Variants in UNC13C observed in about 807,000 individuals in gnomAD.
UNC13C encodes unc-13 homolog C.
UNC13C carries 174 observed loss-of-function variants against 245.4 expected under a neutral mutation model. That is an observed-to-expected ratio of 0.71 (90% CI 0.63 to 0.80). The LOEUF is 0.80. UNC13C is among the 30% of genes least tolerant of loss of function. The probability of loss-of-function intolerance (pLI) is 0.00; values close to 1 mark genes in which losing one functional copy is unlikely to be tolerated. For synonymous variants in UNC13C, 992 were observed against 895.1 expected (o/e 1.11, Z -1.93); for missense variants, 2,829 against 2,602.9 (o/e 1.09, Z -1.89).
At chr15:54,454,770 C>G (rs1013291764) in intron 19 of UNC13C, among the ~76,000 whole-genome samples, 10 of 151,226 alleles carry the variant, frequency 6.6e-5, no homozygotes, top group Non-Finnish European at 1.2e-4. Context: ...GTAGCAACTC[C>G]CAGTACTCCA....
upstream of UNC13C, among the ~76,000 whole-genome samples, chr15:53,978,352 C>T (rs770893545): frequency 7.9e-5 from 12 of 151,724 alleles, no homozygotes; most frequent in South Asian, 4.2e-4. Context: ...CTCACCCTCT[C>T]GGAGCTACGC....
intron 18 of UNC13C, among the ~76,000 whole-genome samples, chr15:54,400,640 G>A (rs2040161995): frequency 6.6e-6 from 1 of 152,122 alleles, no homozygotes. Flanking sequence ...AGTGCTGACA[G>A]TCTTATTTCT....
At chr15:53,945,428 A>C in the UNC13C span, among the ~76,000 whole-genome samples, 1 of 151,954 alleles carries the variant, frequency 6.6e-6, no homozygotes, top group Non-Finnish European at 1.5e-5. Context: ...TATATAATAT[A>C]AAGAAGGGGG....
At chr15:54,621,101 C>A (rs1900771156) in intron 30 of UNC13C, among the ~76,000 whole-genome samples, 1 of 152,146 alleles carries the variant, frequency 6.6e-6, no homozygotes, top group African/African-American at 2.4e-5. Flanking sequence ...TGAATTGCCT[C>A]ATCTCAGCAG....
chr15:53,977,279 G>C (rs1893740781), upstream of UNC13C, among the ~76,000 whole-genome samples: 1 of 152,148 alleles, frequency 6.6e-6, no homozygotes, highest in Non-Finnish European at 1.5e-5. Flanking sequence ...ACATCATGGA[G>C]AGGTTATTTA....
At chr15:54,220,231 T>C (rs1277791077) in intron 4 of UNC13C, among the ~76,000 whole-genome samples, 3 of 150,372 alleles carry the variant, frequency 2.0e-5, no homozygotes, top group Non-Finnish European at 4.4e-5. Context: ...ATTAAGAAAA[T>C]GTGGCACATA....
chr15:54,297,891 G>T lies in UNC13C; in HGVS notation c.4069G>T (p.Ala1357Ser). The T allele has an allele frequency of 5.0e-6, 8 of 1,607,990 alleles. No homozygotes were observed. Among genetic ancestry groups the T allele is most frequent in the Non-Finnish European group, 6.8e-6 (8 of 1,176,838 alleles). ...NVEIKGEEKVAPYHIQYTCLH... is the reference protein window; with the variant it reads ...NVEIKGEEKVSPYHIQYTCLH... ...GGAGATAAAAGGAGAAGAGAAGGTTGCTCCATATCATATTCAATATACATG... is the reference window on the plus strand; with the variant it reads ...GGAGATAAAAGGAGAAGAGAAGGTTTCTCCATATCATATTCAATATACATG... Residue 1357 changes from alanine to serine, a missense_variant, in exon 12 of 33, where the codon GCT becomes TCT. By Grantham distance (99) the Ala-to-Ser change is moderately conservative. Coordinates refer to ENST00000260323, the MANE Select transcript of UNC13C (RefSeq NM_001080534.3).
intron 4 of UNC13C, among the ~76,000 whole-genome samples, chr15:54,188,184 G>T (rs1292628181): frequency 6.6e-6 from 1 of 152,104 alleles, no homozygotes; most frequent in Non-Finnish European, 1.5e-5. Flanking sequence ...TACATAACGG[G>T]ATTGAATACA....
intron 4 of UNC13C, among the ~76,000 whole-genome samples, chr15:54,166,031 T>C (rs1024832834): frequency 3.9e-5 from 6 of 152,172 alleles, no homozygotes; most frequent in Non-Finnish European, 5.9e-5. Flanking sequence ...TGATAAATTA[T>C]CTTTATTAAG....
At chr15:54,201,455 G>A (rs755013141) in intron 4 of UNC13C, among the ~76,000 whole-genome samples, 2 of 151,866 alleles carry the variant, frequency 1.3e-5, no homozygotes, top group Non-Finnish European at 2.9e-5. Context: ...ATATCAAAAA[G>A]ATAATCCACC....
At chr15:54,617,750 A>G (rs1022723933) in intron 30 of UNC13C, among the ~76,000 whole-genome samples, 6 of 152,128 alleles carry the variant, frequency 3.9e-5, no homozygotes, top group Admixed American at 3.9e-4. Context: ...ATCATCTACC[A>G]TCTTGGATGA....
the UNC13C span, among the ~76,000 whole-genome samples, chr15:53,847,514 G>A: frequency 7.0e-6 from 1 of 143,516 alleles, no homozygotes; most frequent in Non-Finnish European, 1.5e-5. Context: ...CCACCACCAT[G>A]CCTGGCTATT....
intron 29 of UNC13C, among the ~76,000 whole-genome samples, chr15:54,557,069 T>C (rs903833054): frequency 6.6e-6 from 1 of 152,052 alleles, no homozygotes; most frequent in Admixed American, 6.6e-5. Flanking sequence ...TATCTTCCTG[T>C]TTATATCATC....
In UNC13C at chr15:54,175,508, A is replaced by ATTTTTTT. The variant is rs55925649; in HGVS notation, c.3071+31840_3071+31846dup. On this transcript the variant is annotated intron_variant, in intron 4 of 32. Coordinates refer to ENST00000260323, the MANE Select transcript of UNC13C (RefSeq NM_001080534.3). Reference sequence around the variant, plus strand: ...AAAACACTGTTGTTGTGGCCCTAGAATTTTTTTTTTTTTTTTTTTTTTGAG... The same window carrying ATTTTTTT: ...AAAACACTGTTGTTGTGGCCCTAGAATTTTTTTTTTTTTTTTTTTTTTTTTTTTTGAG... Among the ~76,000 whole-genome samples, 56 of 105,976 alleles carry ATTTTTTT rather than the reference A, an allele frequency of 5.3e-4. 3 individuals are homozygous for ATTTTTTT. Among genetic ancestry groups the ATTTTTTT allele is most frequent in the African/African-American group, 2.0e-3 (53 of 26,222 alleles). 69.5% of individuals were successfully genotyped at this position (105,976 alleles called of 152,430 possible).
At chr15:53,905,192 A>G in the UNC13C span, among the ~76,000 whole-genome samples, 1 of 152,274 alleles carries the variant, frequency 6.6e-6, no homozygotes, top group East Asian at 1.9e-4. Flanking sequence ...TGATCCAGCA[A>G]TCCCACTACA....
the UNC13C span, among the ~76,000 whole-genome samples, chr15:53,861,287 T>A: frequency 6.6e-6 from 1 of 152,130 alleles, no homozygotes. Flanking sequence ...AAGGTAAGAA[T>A]CGAATCAAGT....
chr15:53,857,980 A>C, the UNC13C span, among the ~76,000 whole-genome samples: 1 of 152,196 alleles, frequency 6.6e-6, no homozygotes, highest in Admixed American at 6.6e-5. Flanking sequence ...ATATATTAAG[A>C]TTTATGCTTA....
At chr15:54,474,908 G>A (rs371777100) in intron 19 of UNC13C, among the ~76,000 whole-genome samples, 14 of 151,844 alleles carry the variant, frequency 9.2e-5, no homozygotes, top group Non-Finnish European at 8.8e-5. Flanking sequence ...GAAGGGAGGT[G>A]CCAGACACAT....
chr15:54,088,555 T>G (rs2141131520), intron 2 of UNC13C, among the ~76,000 whole-genome samples: 1 of 152,348 alleles, frequency 6.6e-6, no homozygotes, highest in South Asian at 2.1e-4. Context: ...TTGTTGGTAC[T>G]TTTGAAATCA....
Sources: gnomAD v4.1 joint callset for allele counts (sites outside exome capture counted in the v4.1 genomes callset) on GRCh38, gnomAD v4.1.1 for gene constraint, MANE v1.5 for transcripts, NCBI Gene and HGNC (gene_info 2026-07-23, HGNC 2026-07-21) for gene names.